GRM8: variants seen among roughly 807,000 people sequenced by gnomAD.
GRM8 encodes metabotropic glutamate receptor 8.
Under a neutral mutation model 87.2 loss-of-function variants are expected in GRM8, and 47 were observed. That is an observed-to-expected ratio of 0.54 (90% CI 0.43 to 0.69). GRM8 has a LOEUF of 0.69. Among genes scored for constraint, GRM8 ranks in the 30% least tolerant of loss-of-function variants. GRM8 has a pLI of 0.00. For missense variants in GRM8, 1,019 were observed against 1,139.2 expected, an observed-to-expected ratio of 0.89 and a Z score of 1.52; for synonymous variants, 396 against 404.5, an observed-to-expected ratio of 0.98 and a Z score of 0.25.
chr7:126,977,616 A>G (rs943169179), intron 3 of GRM8, among the ~76,000 whole-genome samples: 1 of 152,226 alleles, frequency 6.6e-6, no homozygotes, highest in Non-Finnish European at 1.5e-5. Context: ...TGTAGATAAA[A>G]TGGATTACAG....
At chr7:126,487,375 T>A (rs368495976) in intron 9 of GRM8, among the ~76,000 whole-genome samples, 19 of 151,966 alleles carry the variant, frequency 1.3e-4, no homozygotes, top group Middle Eastern at 3.2e-3. Flanking sequence ...AAGCGGTCCC[T>A]GTTCTCAACC....
chr7:127,041,252 G>A (rs1818402518), intron 3 of GRM8, among the ~76,000 whole-genome samples: 1 of 152,140 alleles, frequency 6.6e-6, no homozygotes, highest in Non-Finnish European at 1.5e-5. Flanking sequence ...CAGGTTTCAG[G>A]GCAGGTTTGC....
intron 7 of GRM8, among the ~76,000 whole-genome samples, chr7:126,677,615 G>A (rs747082299): frequency 1.8e-4 from 27 of 152,124 alleles, no homozygotes; most frequent in Admixed American, 2.6e-4. Context: ...CAAATACCAC[G>A]TGTTCTTATT....
chr7:126,498,994 T>C (rs1019025324), intron 9 of GRM8, among the ~76,000 whole-genome samples: 2 of 152,000 alleles, frequency 1.3e-5, no homozygotes, highest in South Asian at 2.1e-4. Flanking sequence ...TGTTACTAGA[T>C]ATGTAACATT....
chr7:126,833,601 A>G (rs1052495168), intron 6 of GRM8, among the ~76,000 whole-genome samples: 1 of 152,300 alleles, frequency 6.6e-6, no homozygotes, highest in Non-Finnish European at 1.5e-5. Flanking sequence ...TGAGAGACAG[A>G]GAGGAAGCCC....
At chr7:126,810,002 T>C (rs1346887255) in intron 6 of GRM8, among the ~76,000 whole-genome samples, 1 of 152,116 alleles carries the variant, frequency 6.6e-6, no homozygotes, top group Non-Finnish European at 1.5e-5. Context: ...ACATAACATT[T>C]CAAAAAATAA....
intron 3 of GRM8, among the ~76,000 whole-genome samples, chr7:127,070,045 A>C (rs986097745): frequency 6.6e-6 from 1 of 152,202 alleles, no homozygotes; most frequent in Non-Finnish European, 1.5e-5. Flanking sequence ...ATTTATTACC[A>C]ATCTCAGTAA....
At chr7:127,238,703 C>A (rs1798124556) in intron 2 of GRM8, among the ~76,000 whole-genome samples, 1 of 152,192 alleles carries the variant, frequency 6.6e-6, no homozygotes, top group Admixed American at 6.5e-5. Context: ...TTATTCAACC[C>A]TCTTCTAAAG....
intron 6 of GRM8, among the ~76,000 whole-genome samples, chr7:126,787,906 T>G (rs1459992428): frequency 6.6e-6 from 1 of 152,184 alleles, no homozygotes; most frequent in Non-Finnish European, 1.5e-5. Flanking sequence ...TTCCTAAAAC[T>G]TTCCGTTTGT....
At chr7:126,565,685 A>G (rs532660909) in intron 8 of GRM8, among the ~76,000 whole-genome samples, 5 of 152,122 alleles carry the variant, frequency 3.3e-5, no homozygotes, top group Non-Finnish European at 7.4e-5. Flanking sequence ...AGTAGAAAAA[A>G]TCCTAAAATT....
intron 8 of GRM8, among the ~76,000 whole-genome samples, chr7:126,553,853 A>C (rs1220586830): frequency 6.6e-6 from 1 of 152,198 alleles, no homozygotes; most frequent in Non-Finnish European, 1.5e-5. Context: ...ATATAAGCGT[A>C]CACTTAAACA....
Position 126,510,336 on chromosome 7 carries a change from T to C in GRM8, c.2430+22616A>G, listed in dbSNP as rs77178074. Among the ~76,000 whole-genome samples, 228 of 151,606 alleles carry C rather than the reference T, an allele frequency of 1.5e-3. 6 individuals are homozygous for C. The East Asian group carries it at 0.041, about 27-fold the overall frequency. ...GAACTCAATATGATTTAAGAGTTGA[T>C]ATGGCTTCCAAATAAAAGATGATGT... On this transcript the variant is annotated intron_variant, in intron 9 of 10. Transcript: ENST00000339582.
At chr7:126,801,199 A>G (rs1000638611) in intron 6 of GRM8, among the ~76,000 whole-genome samples, 3 of 152,168 alleles carry the variant, frequency 2.0e-5, no homozygotes, top group African/African-American at 7.2e-5. Flanking sequence ...TAGTGATAGT[A>G]TAAGTTGATT....
At chr7:127,132,910 G>A (rs1260825955) in intron 2 of GRM8, among the ~76,000 whole-genome samples, 2 of 152,188 alleles carry the variant, frequency 1.3e-5, no homozygotes, top group Non-Finnish European at 2.9e-5. Flanking sequence ...GCCCTTGGTA[G>A]AGTAATAGCT....
chr7:126,919,113 G>T (rs1308483160), intron 3 of GRM8, among the ~76,000 whole-genome samples: 1 of 152,030 alleles, frequency 6.6e-6, no homozygotes, highest in East Asian at 1.9e-4. Flanking sequence ...TATAAACAGA[G>T]TAACAGAAGC....
chr7:127,094,984 C>A (rs532734556), intron 3 of GRM8, among the ~76,000 whole-genome samples: 1 of 152,310 alleles, frequency 6.6e-6, no homozygotes, highest in South Asian at 2.1e-4. Context: ...GGGCCCCATA[C>A]AATAGCCAGG....
At chr7:126,478,451 T>A (rs1239227906) in intron 9 of GRM8, among the ~76,000 whole-genome samples, 1 of 152,086 alleles carries the variant, frequency 6.6e-6, no homozygotes, top group Admixed American at 6.6e-5. Context: ...GTTTCCATTT[T>A]TTTCCTGTTT....
chr7:127,027,303 G>A (rs563490278), intron 3 of GRM8, among the ~76,000 whole-genome samples: 1 of 152,236 alleles, frequency 6.6e-6, no homozygotes, highest in South Asian at 2.1e-4. Flanking sequence ...GCTTAGGATT[G>A]TCTTGGCTAT....
intron 3 of GRM8, among the ~76,000 whole-genome samples, chr7:127,059,561 T>A (rs964394051): frequency 2.6e-5 from 4 of 152,244 alleles, no homozygotes; most frequent in Non-Finnish European, 4.4e-5. Context: ...GGTCTCTAAC[T>A]CCTGACCTTG....
Sources: gnomAD v4.1 joint callset for allele counts (sites outside exome capture counted in the v4.1 genomes callset) on GRCh38, gnomAD v4.1.1 for gene constraint, MANE v1.5 for transcripts, NCBI Gene and HGNC (gene_info 2026-07-23, HGNC 2026-07-21) for gene names.